EXOC1: variants seen among roughly 807,000 people sequenced by gnomAD.
EXOC1 encodes the protein SEC3-like 1.
A neutral mutation model predicts 107.7 loss-of-function variants in EXOC1; 67 were observed. That is an observed-to-expected ratio of 0.62 (90% confidence interval 0.51 to 0.76). The LOEUF is 0.76. Ranked by LOEUF, EXOC1 falls within the 30% of genes least tolerant of loss-of-function variation. EXOC1 has a pLI of 0.00. For synonymous variants in EXOC1, 348 were observed against 353.5 expected, an observed-to-expected ratio of 0.98 and a Z score of 0.17; for missense variants, 833 against 1,055.7, an observed-to-expected ratio of 0.79 and a Z score of 2.92.
rs769263823 is a variant in EXOC1 at position 55,904,346 on chromosome 4, G to T, written c.2536G>T (p.Val846Leu). The T allele has an allele frequency of 1.9e-6, 3 of 1,601,164 alleles. No homozygotes were observed. In the Admixed American group the frequency reaches 5.2e-5, roughly 28 times the overall value. ...TGACTTTTTTTTTTAATAATAGGTG[G>T]TGTGGCACTCCATGCAAGATGAATT... ...LCEEENLLQV[V>L]WHSMQDEFIR... The change falls in exon 19 of 19, where the codon GTG (valine) becomes TTG (leucine). Residue 846 changes from valine to leucine, a missense_variant. Physicochemically the swap from Val to Leu is conservative, Grantham distance 32. Around this residue, in one of 2 missense-constraint regions of EXOC1, gnomAD observed 216 missense variants for 354.4 expected, o/e 0.61. Transcript: ENST00000381295.
At chr4:55,890,792 C>CA (rs1724442150) in intron 12 of EXOC1, among the ~76,000 whole-genome samples, 1 of 152,200 alleles carries the variant, frequency 6.6e-6, no homozygotes, top group Non-Finnish European at 1.5e-5. Context: ...TGCAGTGGCA[C>CA]AGTCTCAGCT....
intron 9 of EXOC1, among the ~76,000 whole-genome samples, chr4:55,879,883 C>T (rs1723228578): frequency 6.6e-6 from 1 of 151,816 alleles, no homozygotes; most frequent in African/African-American, 2.4e-5. Context: ...AATGCATAAG[C>T]TGTGTTAATA....
At chr4:55,890,940 C>T (rs1325691664) in intron 12 of EXOC1, among the ~76,000 whole-genome samples, 2 of 152,150 alleles carry the variant, frequency 1.3e-5, no homozygotes, top group African/African-American at 4.8e-5. Flanking sequence ...GCTGGCCAGG[C>T]TGGTTTCGAA....
At chr4:55,858,955 T>C (rs185124911) in intron 2 of EXOC1, among the ~76,000 whole-genome samples, 15 of 152,332 alleles carry the variant, frequency 9.8e-5, no homozygotes, top group Non-Finnish European at 1.5e-4. Context: ...TCTTAAAAGA[T>C]CCTTCCCTGT....
At position 55,904,577 on chromosome 4, in the gene EXOC1, G is replaced by A. The variant is rs530659827; in HGVS notation, c.*82G>A. The A allele has an allele frequency of 2.0e-4, 270 of 1,382,242 alleles. 1 individual carries two copies. The highest frequency in any genetic ancestry group is 2.0e-4 in the Non-Finnish European group (212 of 1,034,388). 85.6% of individuals were successfully genotyped at this position (1,382,242 alleles called of 1,614,324 possible). ...TACCAAAATACCAAGCAACTGTTTT[G>A]AGAACCCAGACTTAAAATTTTATGT... On this transcript the variant is annotated 3_prime_UTR_variant, in exon 19 of 19. Transcript: ENST00000381295.
intron 1 of EXOC1, among the ~76,000 whole-genome samples, chr4:55,857,045 A>G (rs986406785): frequency 1.8e-4 from 28 of 151,924 alleles, no homozygotes; most frequent in African/African-American, 5.6e-4. Flanking sequence ...CCTACTCTGG[A>G]TATTTCATAT....
At chr4:55,884,790 C>A (rs892569254) in intron 10 of EXOC1, among the ~76,000 whole-genome samples, 4 of 152,154 alleles carry the variant, frequency 2.6e-5, no homozygotes, top group Non-Finnish European at 4.4e-5. Flanking sequence ...TAAGCAACTT[C>A]AGTAATCAAG....
chr4:55,873,051 T>C (rs942001158), intron 8 of EXOC1, among the ~76,000 whole-genome samples: 1 of 152,138 alleles, frequency 6.6e-6, no homozygotes, highest in Non-Finnish European at 1.5e-5. Flanking sequence ...TAGTAATAAA[T>C]AGTAATATTA....
At chr4:55,876,947 A>G in intron 8 of EXOC1, 1 of 985,076 alleles carries the variant, frequency 1.0e-6, no homozygotes, top group Non-Finnish European at 1.2e-6. Context: ...CATGTCTTAT[A>G]CTCCCATCTT....
intron 17 of EXOC1, 22 bp from the exon 18 acceptor site, chr4:55,902,322 G>C: frequency 4.3e-6 from 6 of 1,409,266 alleles, no homozygotes; most frequent in Non-Finnish European, 5.6e-6. Flanking sequence ...CTTAGCCATT[G>C]TTTCTTTTCA....
At chr4:55,864,901 G>A (rs1721816184) in intron 4 of EXOC1, among the ~76,000 whole-genome samples, 1 of 152,174 alleles carries the variant, frequency 6.6e-6, no homozygotes, top group African/African-American at 2.4e-5. Flanking sequence ...GAGGGTAGAT[G>A]TAGTGGTTAA....
chr4:55,872,364 T>C (rs1446402725), intron 8 of EXOC1, among the ~76,000 whole-genome samples: 1 of 144,728 alleles, frequency 6.9e-6, no homozygotes, highest in Non-Finnish European at 1.5e-5. Context: ...TCTATGTACT[T>C]AGTACATAGT....
chr4:55,867,847 G>A (rs1156675537), intron 4 of EXOC1, among the ~76,000 whole-genome samples: 6 of 152,058 alleles, frequency 3.9e-5, no homozygotes. Flanking sequence ...TAATTAAAAA[G>A]TATTTGGCAA....
chr4:55,880,646 T>A (rs575196590), intron 9 of EXOC1, among the ~76,000 whole-genome samples: 8 of 152,224 alleles, frequency 5.3e-5, no homozygotes, highest in Non-Finnish European at 1.0e-4. Flanking sequence ...GCTTTTTGCC[T>A]AATTGTGTTC....
chr4:55,877,884 AT>A (rs746298646), intron 8 of EXOC1, 32 bp from the exon 9 acceptor site: 3 of 1,610,372 alleles, frequency 1.9e-6, no homozygotes, highest in Non-Finnish European at 2.5e-6. Context: ...TGTACTGTTG[AT>A]TACATTTATT....
intron 3 of EXOC1, among the ~76,000 whole-genome samples, chr4:55,862,965 A>G (rs767683138): frequency 2.4e-4 from 37 of 152,184 alleles, no homozygotes; most frequent in African/African-American, 7.9e-4. Context: ...CGGTGGCACA[A>G]TCTTGGCTCA....
rs114194015 is a variant in EXOC1 at position 55,862,885 on chromosome 4, A to G, written c.256-1342A>G. On this transcript the variant is annotated intron_variant, in intron 3 of 18. Transcript: ENST00000381295. The stretch of plus-strand genomic sequence containing the variant: ...CTTGGATGTGAAGTATACATCCATA[A>G]GTTTGTTTGTTTGTTTGTCTGCTTG... 7.8e-3 allele frequency among the ~76,000 whole-genome samples: 1,186 copies of G among 152,112 alleles called. 24 individuals are homozygous for G. Among genetic ancestry groups the G allele is most frequent in the African/African-American group, 0.027 (1,109 of 41,476 alleles).
At chr4:55,854,798 G>C (rs1032288905) in intron 1 of EXOC1, among the ~76,000 whole-genome samples, 5 of 152,160 alleles carry the variant, frequency 3.3e-5, no homozygotes, top group African/African-American at 1.2e-4. Context: ...CATTTGACCA[G>C]TTTTTACTAT....
chr4:55,872,941 G>A lies in EXOC1; in HGVS notation c.1074+983G>A, dbSNP rs574068002. 29 of 222,584 alleles carry A rather than the reference G, an allele frequency of 1.3e-4. No individual in the cohort carries two copies. In the East Asian group the frequency reaches 4.0e-3, roughly 31 times the overall value. The allele number at this position is 222,584 out of a possible 1,614,324, so 13.8% of individuals were successfully genotyped here. A position where few individuals can be genotyped will look rare whatever the true frequency, so the allele number is the denominator to read the frequency against. On this transcript the variant is annotated intron_variant, in intron 8 of 18. Transcript: ENST00000381295. ...TTTAAGCTACCTGTTAACCACATTC[G>A]TAGCAGTTTTTAAATGTCCCATAGT...
Sources: gnomAD v4.1 joint callset for allele counts (sites outside exome capture counted in the v4.1 genomes callset) on GRCh38, gnomAD v4.1.1 for gene constraint, gnomAD v4.1.1 regional missense constraint, MANE v1.5 for transcripts, NCBI Gene and HGNC (gene_info 2026-07-23, HGNC 2026-07-21) for gene names.